VIL1: variants seen among roughly 807,000 people sequenced by gnomAD.
VIL1 encodes villin 1, also known as villin-1.
VIL1 carries 86 observed loss-of-function variants against 104.0 expected under a neutral mutation model. The observed-to-expected ratio is 0.83, with a 90% CI of 0.69 to 0.99. VIL1 has a LOEUF of 0.99. VIL1 is among the 50% of genes least tolerant of loss of function. VIL1 has a pLI of 0.00. For synonymous variants in VIL1, 394 were observed against 412.6 expected (o/e 0.95, Z 0.55); for missense variants, 944 against 1,054.1 (o/e 0.90, Z 1.45).
At chr2:218,442,652 A>G (rs1291552584) in intron 19 of VIL1, among the ~76,000 whole-genome samples, 3 of 152,080 alleles carry the variant, frequency 2.0e-5, no homozygotes, top group African/African-American at 4.8e-5. Context: ...CTAATATTCA[A>G]TCCCACTTCA....
At chr2:218,423,057 G>C (rs1448200143) in intron 1 of VIL1, among the ~76,000 whole-genome samples, 1 of 152,206 alleles carries the variant, frequency 6.6e-6, no homozygotes, top group Non-Finnish European at 1.5e-5. Flanking sequence ...AAGCTCCCCA[G>C]CTGAGGCTGA....
Position 218,429,353 on chromosome 2 carries a change from C to A in VIL1, c.636C>A (p.Asp212Glu). 6.2e-7 allele frequency: 1 copy of A among 1,614,020 alleles called. No homozygotes were observed. The highest frequency in any genetic ancestry group is 1.1e-5 in the South Asian group (1 of 91,086). Reference sequence around the variant, plus strand: ...GGCGCACCTATGTAGGCGTGGTGGACGGAGAGAATGAATTGGCATCCCCGA... The same window carrying A: ...GGCGCACCTATGTAGGCGTGGTGGAAGGAGAGAATGAATTGGCATCCCCGA... Reference protein sequence around the residue: ...RGGRTYVGVVDGENELASPKL... With the variant: ...RGGRTYVGVVEGENELASPKL... Residue 212 changes from aspartate (D) to glutamate (E), a missense_variant, in exon 7 of 20, where the codon GAC becomes GAA. By Grantham distance (45) the Asp-to-Glu change is conservative (BLOSUM62 2). Coordinates refer to ENST00000248444, the MANE Select transcript of VIL1 (RefSeq NM_007127.3).
At chr2:218,441,869 C>T (rs1324080481) in intron 19 of VIL1, among the ~76,000 whole-genome samples, 5 of 152,098 alleles carry the variant, frequency 3.3e-5, no homozygotes, top group Admixed American at 3.3e-4. Context: ...TGCCTATAAT[C>T]CCAGCTACTC....
chr2:218,434,867 C>T (rs1289879761), intron 14 of VIL1, among the ~76,000 whole-genome samples, 162 bp downstream of exon 14: 1 of 152,214 alleles, frequency 6.6e-6, no homozygotes, highest in African/African-American at 2.4e-5. Context: ...CTCAGTAGCT[C>T]TGGGTCTATC....
chr2:218,435,785 C>T (rs1231921286), intron 15 of VIL1, among the ~76,000 whole-genome samples: 1 of 152,192 alleles, frequency 6.6e-6, no homozygotes, highest in East Asian at 1.9e-4. Context: ...TAGGTCCTGA[C>T]ACAGGCCTGG....
At chr2:218,444,815 A>G (rs937686908) in intron 19 of VIL1, among the ~76,000 whole-genome samples, 9 of 152,190 alleles carry the variant, frequency 5.9e-5, no homozygotes, top group African/African-American at 2.2e-4. Flanking sequence ...GGCATGGGTG[A>G]GGCTGGTAAT....
chr2:218,438,508 A>G (rs1381380915), intron 17 of VIL1, 150 bp from the exon 18 acceptor site: 11 of 675,216 alleles, frequency 1.6e-5, no homozygotes, highest in Non-Finnish European at 7.4e-6. Context: ...TTTTTCAGGG[A>G]CCCTCCTCCA....
At chr2:218,427,834 C>A (rs1689028182) in intron 4 of VIL1, 131 bp from the exon 5 acceptor site, 1 of 772,210 alleles carries the variant, frequency 1.3e-6, no homozygotes. Context: ...GCGCCCTCAG[C>A]ACCTCATTGA....
intron 10 of VIL1, chr2:218,431,146 T>G (rs1689089681): frequency 1.6e-5 from 9 of 554,280 alleles, no homozygotes; most frequent in Middle Eastern, 2.7e-4. Flanking sequence ...GTCAGGAGTT[T>G]GAGATTAGCC....
chr2:218,437,108 C>T lies in VIL1; in HGVS notation c.1972-16C>T, dbSNP rs1485128659. 2 of 1,610,544 alleles carry T rather than the reference C, an allele frequency of 1.2e-6. No individual in the cohort carries two copies. Among genetic ancestry groups the T allele is most frequent in the Admixed American group, 1.7e-5 (1 of 59,932 alleles). ...AGGACAGGAAGGATGGACTGATCCC[C>T]TGGGTTTCTCAATAGGTCTTCTTCT... On this transcript the variant is annotated splice_polypyrimidine_tract_variant and intron_variant, in intron 16 of 19. Transcript: ENST00000248444.
chr2:218,424,387 G>T, intron 3 of VIL1, 36 bp downstream of exon 3: 1 of 1,605,038 alleles, frequency 6.2e-7, no homozygotes, highest in Non-Finnish European at 8.5e-7. Flanking sequence ...TGAGCAGAGA[G>T]CAAAACCCAC....
intron 17 of VIL1, among the ~76,000 whole-genome samples, chr2:218,437,648 T>C (rs1462856175): frequency 1.3e-5 from 2 of 152,262 alleles, no homozygotes; most frequent in Non-Finnish European, 2.9e-5. Flanking sequence ...ATGTGGCAGC[T>C]GGCTACTGTG....
rs149478969 is a variant in VIL1 at position 218,433,500 on chromosome 2, G to A, written c.1500+549G>A. On this transcript the variant is annotated intron_variant, in intron 13 of 19. Coordinates refer to ENST00000248444, the MANE Select transcript of VIL1 (RefSeq NM_007127.3). ...CACCTGTAATCCCAGCACTTTGAGA[G>A]GCTGAGGTGGGTGGATCACCTGAGG... 1.5e-4 allele frequency among the ~76,000 whole-genome samples: 23 copies of A among 152,254 alleles called. 1 individual carries two copies. Among genetic ancestry groups the A allele is most frequent in the African/African-American group, 4.8e-4 (20 of 41,538 alleles).
chr2:218,423,268 G>T (rs1347291932), intron 1 of VIL1, among the ~76,000 whole-genome samples: 2 of 152,170 alleles, frequency 1.3e-5, no homozygotes, highest in African/African-American at 4.8e-5. Context: ...GGTGGCTCAC[G>T]CCTGTAATCC....
intron 9 of VIL1, 24 bp downstream of exon 9, chr2:218,429,971 T>TGGGG: frequency 7.3e-7 from 1 of 1,373,056 alleles, no homozygotes; most frequent in Non-Finnish European, 1.0e-6. Context: ...CGGGGGAGGG[T>TGGGG]CCAGGAGGAG....
chr2:218,432,418 A>G (rs1689115184), intron 12 of VIL1: 2 of 747,288 alleles, frequency 2.7e-6, no homozygotes, highest in Non-Finnish European at 4.6e-6. Flanking sequence ...CATTCTTGTC[A>G]CCTGCTCTGC....
chr2:218,444,053 C>G (rs993859221), intron 19 of VIL1, among the ~76,000 whole-genome samples: 6 of 152,180 alleles, frequency 3.9e-5, no homozygotes, highest in South Asian at 4.1e-4. Context: ...GCAACCTCCA[C>G]CTCCCTGGTT....
At chr2:218,443,977 T>A (rs553109265) in intron 19 of VIL1, among the ~76,000 whole-genome samples, 2 of 151,472 alleles carry the variant, frequency 1.3e-5, no homozygotes, top group East Asian at 3.9e-4. Flanking sequence ...TTTTGTTTTG[T>A]TTTTTGAGAT....
chr2:218,423,547 C>T (rs913348765), intron 1 of VIL1, among the ~76,000 whole-genome samples: 5 of 152,096 alleles, frequency 3.3e-5, no homozygotes, highest in African/African-American at 1.2e-4. Flanking sequence ...CTCACTCCTT[C>T]CCTCCCCCTC....
Sources: gnomAD v4.1 joint callset for allele counts (sites outside exome capture counted in the v4.1 genomes callset) on GRCh38, gnomAD v4.1.1 for gene constraint, MANE v1.5 for transcripts, NCBI Gene and HGNC (gene_info 2026-07-23, HGNC 2026-07-21) for gene names.